Variants in TLN2 observed in about 807,000 individuals in gnomAD.
TLN2 encodes the protein talin-2.
TLN2 carries 118 observed loss-of-function variants against 294.7 expected under a neutral mutation model. The ratio of observed to expected loss-of-function variants is 0.40; its 90% CI spans 0.34 to 0.47. The LOEUF is 0.47. Among genes scored for constraint, TLN2 ranks in the 20% least tolerant of loss-of-function variants. TLN2 has a pLI of 0.84. For synonymous variants in TLN2, 1,431 were observed against 1,304.5 expected (o/e 1.10, Z -2.09); for missense variants, 3,083 against 3,282.2 (o/e 0.94, Z 1.48).
At chr15:62,600,241 C>T (rs2046876127) in intron 2 of TLN2, among the ~76,000 whole-genome samples, 1 of 152,194 alleles carries the variant, frequency 6.6e-6, no homozygotes. Context: ...AGAGGTTGTG[C>T]AGCGACTTGG....
chr15:62,501,963 A>G (rs2039331889), intron 1 of TLN2, among the ~76,000 whole-genome samples: 1 of 152,212 alleles, frequency 6.6e-6, no homozygotes, highest in South Asian at 2.1e-4. Context: ...TAGTTTGGGC[A>G]CCTTGGTATC....
chr15:62,505,798 C>T (rs2471026), intron 1 of TLN2, among the ~76,000 whole-genome samples: 19,955 of 152,116 alleles, frequency 0.13, 2,050 homozygotes, highest in East Asian at 0.56. Flanking sequence ...TAATCTGTAA[C>T]ATAGTTTTTG....
chr15:62,745,832 G>A (rs535085129), intron 32 of TLN2, among the ~76,000 whole-genome samples: 5 of 152,272 alleles, frequency 3.3e-5, no homozygotes, highest in Non-Finnish European at 5.9e-5. Context: ...CACTTAGCAC[G>A]TATTTAGCAT....
chr15:62,674,736 A>C (rs1281246519), intron 10 of TLN2, among the ~76,000 whole-genome samples: 1 of 152,112 alleles, frequency 6.6e-6, no homozygotes, highest in Non-Finnish European at 1.5e-5. Flanking sequence ...TCCTAATCTC[A>C]AATGATCTAG....
At chr15:62,515,737 T>TG (rs971969018) in intron 1 of TLN2, among the ~76,000 whole-genome samples, 12 of 65,000 alleles carry the variant, frequency 1.8e-4, no homozygotes, top group African/African-American at 1.7e-3. Flanking sequence ...ACACATCTGA[T>TG]TTTTTTTCAG....
chr15:62,812,005 C>CAATAA (rs2066719557), intron 52 of TLN2, among the ~76,000 whole-genome samples: 1 of 116,152 alleles, frequency 8.6e-6, no homozygotes, highest in Non-Finnish European at 1.7e-5. Flanking sequence ...AAGCAAGACT[C>CAATAA]CATCTCAATA....
At chr15:62,684,016 G>A (rs2057086881) in intron 11 of TLN2, 1 of 152,342 alleles carries the variant, frequency 6.6e-6, no homozygotes. Flanking sequence ...GTGTGTAGGT[G>A]CTGAAGTAAT....
intron 1 of TLN2, among the ~76,000 whole-genome samples, chr15:62,414,164 C>CTATATATATA (rs780803268): frequency 0.01 from 936 of 90,604 alleles, 48 homozygotes; most frequent in Middle Eastern, 0.02. Context: ...AAAAAAAAAA[C>CTATATATATA]TATATATATA....
At chr15:62,505,050 A>G (rs936907876) in intron 1 of TLN2, among the ~76,000 whole-genome samples, 6 of 152,042 alleles carry the variant, frequency 3.9e-5, no homozygotes, top group Non-Finnish European at 7.4e-5. Context: ...TCCGCTTCCC[A>G]GGTTCAAGCG....
chr15:62,531,486 G>A (rs1250179670), intron 1 of TLN2, among the ~76,000 whole-genome samples: 3 of 152,152 alleles, frequency 2.0e-5, no homozygotes, highest in African/African-American at 7.2e-5. Flanking sequence ...TGGGTATATT[G>A]CACAGTGTGG....
chr15:62,735,044 A>G lies in TLN2; in HGVS notation c.3359-1834A>G, dbSNP rs192110660. 6.7e-3 allele frequency among the ~76,000 whole-genome samples: 1,018 copies of G among 152,358 alleles called. 5 individuals are homozygous for G. Among genetic ancestry groups the G allele is most frequent in the Non-Finnish European group, 9.1e-3 (617 of 68,018 alleles). ...TTTGCGTATTTTTCACGTAGATCTT[A>G]TATGTTCTAACAGAAAGGGCTCATA... On this transcript the variant is annotated intron_variant, in intron 28 of 58. Coordinates refer to ENST00000636159, the MANE Select transcript of TLN2 (RefSeq NM_015059.3).
At chr15:62,803,390 A>G (rs2066061707) in intron 50 of TLN2, among the ~76,000 whole-genome samples, 1 of 152,172 alleles carries the variant, frequency 6.6e-6, no homozygotes, top group Admixed American at 6.5e-5. Context: ...TTCTCTTTGA[A>G]TAAACTTTCT....
chr15:62,496,225 T>G (rs2039009448), intron 1 of TLN2, among the ~76,000 whole-genome samples: 1 of 152,324 alleles, frequency 6.6e-6, no homozygotes, highest in East Asian at 1.9e-4. Context: ...CTGCTGGTTC[T>G]TACGTGTCTA....
intron 1 of TLN2, among the ~76,000 whole-genome samples, chr15:62,411,686 A>G (rs552141005): frequency 2.0e-5 from 3 of 152,238 alleles, no homozygotes; most frequent in South Asian, 2.1e-4. Flanking sequence ...TGATGCCTTT[A>G]GTCTTCTCTC....
chr15:62,521,572 C>G (rs2040459245), intron 1 of TLN2, among the ~76,000 whole-genome samples: 1 of 151,990 alleles, frequency 6.6e-6, no homozygotes, highest in African/African-American at 2.4e-5. Context: ...GAAAGAAATG[C>G]TTGAGTTAAG....
chr15:62,407,961 A>G (rs913286342), intron 1 of TLN2, among the ~76,000 whole-genome samples: 5 of 151,974 alleles, frequency 3.3e-5, no homozygotes, highest in Admixed American at 6.6e-5. Flanking sequence ...TAAATAAAAG[A>G]AAAAGGTGCC....
intron 50 of TLN2, among the ~76,000 whole-genome samples, chr15:62,801,185 C>T (rs911141126): frequency 3.3e-5 from 5 of 152,164 alleles, no homozygotes; most frequent in Admixed American, 6.5e-5. Flanking sequence ...GGAAGTCTGC[C>T]GTTTGCTGTT....
In TLN2 at chr15:62,712,001, T is replaced by C. The variant is rs147975596; in HGVS notation, c.2558T>C (p.Met853Thr). ...MRSDAEAEID[M>T]ENSKKLLAAA... is the part of the protein sequence containing the mutation. ...TCAGATGCAGAAGCCGAAATCGACA[T>C]GGAGAATTCAAAGAAGCTCCTGGCA... is the stretch of plus-strand genomic sequence containing the variant. The change falls in exon 22 of 59, where the codon ATG becomes ACG. Residue 853 changes from methionine (M) to threonine (T), a missense_variant. By Grantham distance (81) the Met-to-Thr change is moderately conservative. Transcript: ENST00000636159. 174 of 1,614,102 alleles carry C rather than the reference T, an allele frequency of 1.1e-4. No homozygotes were observed. Among genetic ancestry groups the C allele is most frequent in the Non-Finnish European group, 1.3e-4 (159 of 1,180,040 alleles).
At chr15:62,833,477 T>C (rs370843475) in intron 54 of TLN2, 27 bp from the exon 55 acceptor site, 6 of 1,610,950 alleles carry the variant, frequency 3.7e-6, no homozygotes, top group African/African-American at 1.3e-5. Flanking sequence ...ATGAATTGAA[T>C]GTGATGCTGT....
Sources: gnomAD v4.1 joint callset for allele counts (sites outside exome capture counted in the v4.1 genomes callset) on GRCh38, gnomAD v4.1.1 for gene constraint, MANE v1.5 for transcripts, NCBI Gene and HGNC (gene_info 2026-07-23, HGNC 2026-07-21) for gene names.